SCN9A: variants seen among roughly 807,000 people sequenced by gnomAD.
The protein encoded by SCN9A is sodium channel protein type 9 subunit alpha.
In SCN9A, 131 loss-of-function variants were observed where a neutral mutation model predicts 187.0. That is an observed-to-expected ratio of 0.70 (90% CI 0.61 to 0.81). The LOEUF (loss-of-function observed/expected upper bound fraction) is 0.81. Among genes scored for constraint, SCN9A ranks in the 30% least tolerant of loss-of-function variants. The pLI is 0.00. For missense variants in SCN9A, 2,252 were observed against 2,396.6 expected, an observed-to-expected ratio of 0.94 and a Z score of 1.26; for synonymous variants, 809 against 808.6, an observed-to-expected ratio of 1.00 and a Z score of -0.01.
At chr2:166,234,073 G>A (rs1377529225) in intron 20 of SCN9A, among the ~76,000 whole-genome samples, 2 of 152,016 alleles carry the variant, frequency 1.3e-5, no homozygotes, top group Non-Finnish European at 2.9e-5. Flanking sequence ...GATCTCATTG[G>A]CTTCACAATC....
At chr2:166,204,735 G>C (rs1221496792) in intron 24 of SCN9A, 1 of 202,968 alleles carries the variant, frequency 4.9e-6, no homozygotes, top group Non-Finnish European at 9.8e-6. Flanking sequence ...AATCAGTGTT[G>C]TTTTAAACTA....
At chr2:166,236,345 T>A (rs959331368) in intron 20 of SCN9A, among the ~76,000 whole-genome samples, 11 of 152,142 alleles carry the variant, frequency 7.2e-5, no homozygotes, top group Non-Finnish European at 1.2e-4. Context: ...ATGTTAAAAA[T>A]TTTTTCACAT....
At chr2:166,327,064 T>C (rs1275148532) in intron 1 of SCN9A, among the ~76,000 whole-genome samples, 1 of 152,166 alleles carries the variant, frequency 6.6e-6, no homozygotes, top group Non-Finnish European at 1.5e-5. Context: ...CTTATTTTGA[T>C]AAAAATAAAC....
chr2:166,311,078 C>T (rs1218042062), intron 2 of SCN9A, among the ~76,000 whole-genome samples: 1 of 77,834 alleles, frequency 1.3e-5, no homozygotes, highest in Non-Finnish European at 2.3e-5. Context: ...AGGGGAATAT[C>T]ACACTCTAGG....
At chr2:166,348,402 G>T (rs1699954234) in intron 1 of SCN9A, among the ~76,000 whole-genome samples, 1 of 151,986 alleles carries the variant, frequency 6.6e-6, no homozygotes, top group Non-Finnish European at 1.5e-5. Flanking sequence ...TTACTCCCTG[G>T]GAACTCAGAA....
intron 18 of SCN9A, among the ~76,000 whole-genome samples, chr2:166,250,431 T>A (rs1401314524): frequency 6.6e-6 from 1 of 152,136 alleles, no homozygotes; most frequent in Non-Finnish European, 1.5e-5. Context: ...CGCTGTGATG[T>A]GGATGCTGAT....
At position 166,227,682 on chromosome 2, in the gene SCN9A, C is replaced by T. The variant is rs1294050872; in HGVS notation, c.4248G>A (p.Val1416=). ...KGWTIIMYAA[V]DSVNVDKQPK... ...AATCAATACTTACATTAACAGAATC[C>T]ACTGCTGCATACATAATAATCGTCC... Residue 1416 remains valine, a synonymous_variant, in exon 23 of 27, where the codon GTG becomes GTA. Transcript: ENST00000642356. 2 of 1,519,570 alleles carry T rather than the reference C, an allele frequency of 1.3e-6. No homozygotes were observed. The highest frequency in any genetic ancestry group is 1.8e-6 in the Non-Finnish European group (2 of 1,114,816). 94.1% of individuals were successfully genotyped at this position (1,519,570 alleles called of 1,614,324 possible).
At chr2:166,211,240 A>G (rs1182360766) in intron 24 of SCN9A, among the ~76,000 whole-genome samples, 1 of 152,190 alleles carries the variant, frequency 6.6e-6, no homozygotes, top group Non-Finnish European at 1.5e-5. Context: ...GTGAAAGTAT[A>G]TATTCAAAAT....
At chr2:166,226,545 G>T in intron 24 of SCN9A, 22 bp downstream of exon 24, 1 of 1,482,034 alleles carries the variant, frequency 6.7e-7, no homozygotes, top group South Asian at 1.4e-5. Context: ...TCATTACAAT[G>T]AAAAATATTT....
chr2:166,272,553 A>G lies in SCN9A; in HGVS notation c.3197T>C (p.Val1066Ala). The change falls in exon 17 of 27, where the codon GTG becomes GCG. Residue 1066 changes from valine to alanine, a missense_variant. Val to Ala is a moderately conservative substitution (Grantham distance 64). This residue lies in a region of SCN9A where 313 missense variants were observed against 295.3 expected (regional missense o/e 1.06). Coordinates refer to ENST00000642356, the MANE Select transcript of SCN9A (RefSeq NM_001365536.1). ...KDKISGFGSS[V>A]DKHLMEDSDG... ...ACTGTCTTCCATCAAGTGTTTGTCC[A>G]CGCTGCTTCCAAAACCACTGATTTT... 1 of 1,613,546 alleles carries G rather than the reference A, an allele frequency of 6.2e-7. No individual in the cohort carries two copies. The highest frequency in any genetic ancestry group is 8.5e-7 in the Non-Finnish European group (1 of 1,179,754).
At chr2:166,291,408 C>T (rs181225096) in intron 9 of SCN9A, among the ~76,000 whole-genome samples, 5 of 152,270 alleles carry the variant, frequency 3.3e-5, no homozygotes, top group Admixed American at 1.3e-4. Context: ...CAAGCCACTA[C>T]TCAAGGAAAC....
At chr2:166,284,404 T>C (rs775388636) in intron 12 of SCN9A, 49 bp downstream of exon 12, 6 of 1,554,030 alleles carry the variant, frequency 3.9e-6, no homozygotes, top group Non-Finnish European at 4.3e-6. Context: ...GACTGACTGA[T>C]GCAGGAACAA....
In SCN9A at chr2:166,306,581, G is replaced by A. The variant is rs1553496455; in HGVS notation, c.396C>T (p.Ile132=). 1 of 1,577,704 alleles carries A rather than the reference G, an allele frequency of 6.3e-7. No homozygotes were observed. The highest frequency in any genetic ancestry group is 8.6e-7 in the Non-Finnish European group (1 of 1,158,754). ...TGCAGTTTGTCAGAATAGTGCACAT[G>A]ATGAGCATGCTGAATAAGGTAGCTT... ...ILVHSLFSML[I]MCTILTNCIF... is the part of the protein sequence containing the mutation. Residue 132 remains isoleucine (I), a synonymous_variant, in exon 4 of 27, where the codon ATC becomes ATT. Transcript: ENST00000642356.
intron 18 of SCN9A, chr2:166,248,365 A>G (rs1695885539): frequency 6.6e-6 from 1 of 152,042 alleles, no homozygotes. Context: ...GTTTTTAAGC[A>G]CCCAATGTTC....
intron 17 of SCN9A, among the ~76,000 whole-genome samples, chr2:166,252,708 G>A (rs1033640847): frequency 6.6e-6 from 1 of 151,750 alleles, no homozygotes; most frequent in Non-Finnish European, 1.5e-5. Context: ...TCATATAAGT[G>A]ATCATAACGC....
At chr2:166,285,056 C>T (rs1361494900) in intron 11 of SCN9A, among the ~76,000 whole-genome samples, 2 of 152,194 alleles carry the variant, frequency 1.3e-5, no homozygotes, top group Non-Finnish European at 2.9e-5. Context: ...TGTTGCTATA[C>T]AGCTCTCTAA....
At chr2:166,242,890 T>G (rs969256478) in intron 18 of SCN9A, among the ~76,000 whole-genome samples, 1 of 152,120 alleles carries the variant, frequency 6.6e-6, no homozygotes, top group Admixed American at 6.6e-5. Context: ...TATTCTTGTC[T>G]TCTGTAATCC....
chr2:166,218,439 G>T (rs1694435813), intron 24 of SCN9A, among the ~76,000 whole-genome samples: 1 of 152,028 alleles, frequency 6.6e-6, no homozygotes, highest in African/African-American at 2.4e-5. Flanking sequence ...AAATAAAAAA[G>T]TGAGAAGTCA....
intron 7 of SCN9A, among the ~76,000 whole-genome samples, chr2:166,298,354 C>T (rs1698409447): frequency 6.6e-6 from 1 of 152,196 alleles, no homozygotes; most frequent in South Asian, 2.1e-4. Flanking sequence ...CATTTAGCTA[C>T]ACACTGTGCA....
Sources: gnomAD v4.1 joint callset for allele counts (sites outside exome capture counted in the v4.1 genomes callset) on GRCh38, gnomAD v4.1.1 for gene constraint, gnomAD v4.1.1 regional missense constraint, MANE v1.5 for transcripts, NCBI Gene and HGNC (gene_info 2026-07-23, HGNC 2026-07-21) for gene names.